Variants in C8orf34 observed in about 807,000 individuals in gnomAD.
The protein encoded by C8orf34 is uncharacterized protein C8orf34.
C8orf34 carries 65 observed loss-of-function variants against 68.3 expected under a neutral mutation model. The ratio of observed to expected loss-of-function variants is 0.95; its 90% CI spans 0.78 to 1.17. The LOEUF (loss-of-function observed/expected upper bound fraction) is 1.17, where lower values mean the gene tolerates loss of function less well. Ranked by LOEUF, C8orf34 falls within the 50% of genes most tolerant of loss-of-function variation. The probability of loss-of-function intolerance (pLI) is 0.00; values close to 1 mark genes in which losing one functional copy is unlikely to be tolerated. For synonymous variants in C8orf34, 244 were observed against 241.2 expected, an observed-to-expected ratio of 1.01 and a Z score of -0.11; for missense variants, 664 against 655.4, an observed-to-expected ratio of 1.01 and a Z score of -0.14.
At chr8:68,401,711 A>T (rs1178092587) in intron 1 of C8orf34, among the ~76,000 whole-genome samples, 3 of 152,132 alleles carry the variant, frequency 2.0e-5, no homozygotes, top group Non-Finnish European at 4.4e-5. Context: ...TGATTCATGT[A>T]TGTGGAACCA....
intron 12 of C8orf34, among the ~76,000 whole-genome samples, chr8:68,799,598 A>G (rs79193075): frequency 0.04 from 6,047 of 152,166 alleles, 329 homozygotes; most frequent in African/African-American, 0.12. Context: ...AGTCTCATAA[A>G]CCCTATGGGC....
intron 8 of C8orf34, among the ~76,000 whole-genome samples, chr8:68,707,657 A>G (rs931589081): frequency 1.3e-5 from 2 of 151,842 alleles, no homozygotes; most frequent in African/African-American, 4.8e-5. Flanking sequence ...CTCACTGCAG[A>G]CTCAAACTCC....
In C8orf34 at chr8:68,688,269, G is replaced by A. The variant is rs1372123459; in HGVS notation, c.1242-20725G>A. On this transcript the variant is annotated intron_variant, in intron 8 of 13. Transcript: ENST00000518698. ...CCCACTACTGGGTATCTATTCAAAG[G>A]AAAATAAGTAATTATATGAAGAAGA... is the stretch of plus-strand genomic sequence containing the variant. Among the ~76,000 whole-genome samples, 3 of 151,980 alleles carry A rather than the reference G, an allele frequency of 2.0e-5. No homozygotes were observed. In the South Asian group the frequency reaches 6.2e-4, roughly 32 times the overall value.
intron 1 of C8orf34, among the ~76,000 whole-genome samples, chr8:68,368,247 C>G (rs887560179): frequency 6.6e-6 from 1 of 152,056 alleles, no homozygotes; most frequent in Non-Finnish European, 1.5e-5. Context: ...TAGAACCATG[C>G]TATATTCCCT....
chr8:68,774,878 A>G (rs927154319), intron 10 of C8orf34, among the ~76,000 whole-genome samples: 1 of 149,424 alleles, frequency 6.7e-6, no homozygotes, highest in Non-Finnish European at 1.5e-5. Flanking sequence ...AGGCTAAGGC[A>G]GGCAGATTAC....
chr8:68,518,952 A>AGG (rs945973565), intron 5 of C8orf34, among the ~76,000 whole-genome samples: 3 of 151,992 alleles, frequency 2.0e-5, no homozygotes, highest in Non-Finnish European at 4.4e-5. Context: ...ATGTTACATA[A>AGG]ATTGTGATTG....
intron 1 of C8orf34, among the ~76,000 whole-genome samples, chr8:68,351,728 C>A (rs773931094): frequency 1.3e-5 from 2 of 151,980 alleles, no homozygotes; most frequent in Non-Finnish European, 2.9e-5. Context: ...GGTAGCATGA[C>A]TGCTGGACTA....
intron 7 of C8orf34, among the ~76,000 whole-genome samples, chr8:68,638,431 G>T (rs531537552): frequency 6.6e-6 from 1 of 151,662 alleles, no homozygotes; most frequent in South Asian, 2.1e-4. Context: ...CTTGATTAAG[G>T]CTGCTTCTTT....
At chr8:68,574,632 G>A (rs1226756443) in intron 7 of C8orf34, among the ~76,000 whole-genome samples, 1 of 151,994 alleles carries the variant, frequency 6.6e-6, no homozygotes, top group Non-Finnish European at 1.5e-5. Flanking sequence ...ACTAGTTGCT[G>A]TTTTTGTCTC....
intron 8 of C8orf34, among the ~76,000 whole-genome samples, chr8:68,671,141 G>A (rs565286453): frequency 6.6e-6 from 1 of 152,290 alleles, no homozygotes; most frequent in Admixed American, 6.5e-5. Context: ...GAGTGGTAAT[G>A]AGTTAAGGCG....
intron 7 of C8orf34, among the ~76,000 whole-genome samples, chr8:68,570,058 T>A (rs1816717115): frequency 6.6e-6 from 1 of 152,184 alleles, no homozygotes; most frequent in Non-Finnish European, 1.5e-5. Context: ...TATTCCCTAG[T>A]AGCCTCAAAA....
intron 7 of C8orf34, among the ~76,000 whole-genome samples, chr8:68,639,232 G>A (rs1196248159): frequency 6.6e-6 from 1 of 152,112 alleles, no homozygotes; most frequent in Non-Finnish European, 1.5e-5. Context: ...AAGGTGATAA[G>A]TTTTTGATGA....
intron 7 of C8orf34, among the ~76,000 whole-genome samples, chr8:68,638,028 T>C (rs1818897166): frequency 6.6e-6 from 1 of 151,970 alleles, no homozygotes; most frequent in Non-Finnish European, 1.5e-5. Flanking sequence ...CTACCAGGGG[T>C]CTTTAGAAAA....
chr8:68,332,848 A>G (rs1805687899), intron 1 of C8orf34, among the ~76,000 whole-genome samples: 1 of 152,236 alleles, frequency 6.6e-6, no homozygotes, highest in Admixed American at 6.5e-5. Context: ...CAAGAGCGAA[A>G]TAAAATTGAT....
At chr8:68,730,228 T>A (rs1044744327) in intron 10 of C8orf34, among the ~76,000 whole-genome samples, 1 of 152,154 alleles carries the variant, frequency 6.6e-6, no homozygotes, top group Non-Finnish European at 1.5e-5. Flanking sequence ...TGAAAGATAG[T>A]GTTGGCAAAT....
intron 10 of C8orf34, among the ~76,000 whole-genome samples, chr8:68,741,677 A>G (rs968686771): frequency 6.6e-6 from 1 of 152,002 alleles, no homozygotes; most frequent in Non-Finnish European, 1.5e-5. Context: ...CCATGGGTTC[A>G]GTTGTTTTAA....
At chr8:68,601,139 A>AAATC in intron 7 of C8orf34, among the ~76,000 whole-genome samples, 1 of 152,266 alleles carries the variant, frequency 6.6e-6, no homozygotes, top group Non-Finnish European at 1.5e-5. Context: ...GTTTCCCTAT[A>AAATC]AATCATGCGC....
chr8:68,646,816 A>G (rs1819187920), intron 8 of C8orf34, among the ~76,000 whole-genome samples: 2 of 152,332 alleles, frequency 1.3e-5, no homozygotes, highest in South Asian at 4.1e-4. Flanking sequence ...AAGGCTAAAT[A>G]GTATTCCATT....
At chr8:68,404,277 C>T (rs1160015607) in intron 1 of C8orf34, among the ~76,000 whole-genome samples, 1 of 152,052 alleles carries the variant, frequency 6.6e-6, no homozygotes, top group Non-Finnish European at 1.5e-5. Context: ...GATATTAGCC[C>T]TTTGTCAGAT....
Sources: allele counts gnomAD v4.1 joint callset (sites outside exome capture counted in the v4.1 genomes callset), GRCh38; gene constraint gnomAD v4.1.1; transcripts MANE v1.5; gene names NCBI Gene and HGNC (gene_info 2026-07-23, HGNC 2026-07-21).